ATP1A1: variants seen among roughly 807,000 people sequenced by gnomAD.
ATP1A1 encodes the protein ATPase Na+/K+ transporting subunit alpha 1.
ATP1A1 carries 14 observed loss-of-function variants against 114.8 expected under a neutral mutation model. The ratio of observed to expected loss-of-function variants is 0.12; its 90% CI spans 0.08 to 0.19. ATP1A1 has a LOEUF of 0.19. Ranked by LOEUF, ATP1A1 falls within the 10% of genes least tolerant of loss-of-function variation. The probability of loss-of-function intolerance (pLI) is 1.00; values close to 1 mark genes in which losing one functional copy is unlikely to be tolerated. For synonymous variants in ATP1A1, 471 were observed against 466.3 expected, an observed-to-expected ratio of 1.01 and a Z score of -0.13; for missense variants, 524 against 1,290.7, an observed-to-expected ratio of 0.41 and a Z score of 9.10.
chr1:116,389,697 C>T lies in ATP1A1; in HGVS notation c.1013C>T (p.Ala338Val). The T allele has an allele frequency of 6.2e-7, 1 of 1,614,138 alleles. No individual in the cohort carries two copies. Among genetic ancestry groups the T allele is most frequent in the Non-Finnish European group, 8.5e-7 (1 of 1,179,996 alleles). Residue 338 changes from alanine (A) to valine (V), a missense_variant, in exon 8 of 23, where the codon GCC becomes GTC. By Grantham distance (64) the Ala-to-Val change is moderately conservative (BLOSUM62 0). Around this residue, in one of 8 missense-constraint regions of ATP1A1, gnomAD observed 28 missense variants for 131.8 expected, o/e 0.21. Transcript: ENST00000295598. The surrounding 1 kb of genome is among the most constrained non-coding windows in gnomAD (Gnocchi z 6.9). ...IVANVPEGLL[A>V]TVTVCLTLTA... ...GCCAATGTGCCGGAAGGTTTGCTGGCCACTGTCACGGTAAGAGGCAGGTGA... is the reference window on the plus strand; with the variant it reads ...GCCAATGTGCCGGAAGGTTTGCTGGTCACTGTCACGGTAAGAGGCAGGTGA...
At chr1:116,390,458 TG>T in intron 9 of ATP1A1, 47 bp downstream of exon 9, 8 of 1,545,256 alleles carry the variant, frequency 5.2e-6, no homozygotes, top group Non-Finnish European at 7.0e-6. Flanking sequence ...TGACTTCGCT[TG>T]GTTTTTTTTC....
In ATP1A1 at chr1:116,393,260, A is replaced by G. The variant is rs114913922; in HGVS notation, c.1468-271A>G. On this transcript the variant is annotated intron_variant, in intron 11 of 22. Transcript: ENST00000295598. This position sits in a 1 kb window ranked among gnomAD's most constrained non-coding sequence, Gnocchi z 5.0. ...AGGTGGCTGGAGGTATGTGTACACA[A>G]GTGTTCCCCAATCCCTGTGTTCTGA... Among the ~76,000 whole-genome samples, 7 of 149,324 alleles carry G rather than the reference A, an allele frequency of 4.7e-5. No homozygotes were observed. Among genetic ancestry groups the G allele is most frequent in the Non-Finnish European group, 7.4e-5 (5 of 67,668 alleles).
Position 116,387,238 on chromosome 1 carries a change from C to G in ATP1A1, c.184-50C>G. 1 of 1,605,640 alleles carries G rather than the reference C, an allele frequency of 6.2e-7. No individual in the cohort carries two copies. The highest frequency in any genetic ancestry group is 1.1e-5 in the South Asian group (1 of 90,604). On this transcript the variant is annotated intron_variant, in intron 3 of 22. Coordinates refer to ENST00000295598, the MANE Select transcript of ATP1A1 (RefSeq NM_000701.8). This position sits in a 1 kb window ranked among gnomAD's most constrained non-coding sequence, Gnocchi z 6.7. ...TCCAGCTACCAGGTAGGTATATTGCCTTGTAAGTGCTGGTACAGTTTGCCT... is the reference window on the plus strand; with the variant it reads ...TCCAGCTACCAGGTAGGTATATTGCGTTGTAAGTGCTGGTACAGTTTGCCT...
Position 116,384,073 on chromosome 1 carries a change from A to G in ATP1A1, c.72A>G (p.Lys24=). ...CAGAACAAGGTGATAAAAAGGGCAAAAAGGGCAAAAAAGACAGGGACATGG... is the reference window on the plus strand; with the variant it reads ...CAGAACAAGGTGATAAAAAGGGCAAGAAGGGCAAAAAAGACAGGGACATGG... ...AVSEQGDKKG[K]KGKKDRDMDE... is the part of the protein sequence containing the mutation. The change falls in exon 2 of 23, where the codon AAA becomes AAG. Residue 24 remains lysine, a synonymous_variant. Coordinates refer to ENST00000295598, the MANE Select transcript of ATP1A1 (RefSeq NM_000701.8). The surrounding 1 kb of genome is among the most constrained non-coding windows in gnomAD (Gnocchi z 5.1). The G allele has an allele frequency of 6.2e-7, 1 of 1,614,128 alleles. No individual in the cohort carries two copies. The highest frequency in any genetic ancestry group is 8.5e-7 in the Non-Finnish European group (1 of 1,179,994).
chr1:116,403,712 T>C (rs1653728566), intron 21 of ATP1A1, among the ~76,000 whole-genome samples, 172 bp from the exon 22 acceptor site: 1 of 152,268 alleles, frequency 6.6e-6, no homozygotes, highest in South Asian at 2.1e-4. Context: ...AGTAGCAATC[T>C]GTTTTAAGAC....
chr1:116,373,367 C>A lies in ATP1A1; in HGVS notation c.-145C>A. On this transcript the variant is annotated 5_prime_UTR_variant, in exon 1 of 23. Transcript: ENST00000295598. ...CGGCATCGGCCCGAGCCGCCGGCCG[C>A]CCTCCCACCCTCCCGCCCCGCGGCA... is the stretch of plus-strand genomic sequence containing the variant. The A allele has an allele frequency of 2.2e-6, 1 of 460,510 alleles. No homozygotes were observed. The allele number at this position is 460,510 out of a possible 1,614,324, so 28.5% of individuals were successfully genotyped here. A position where few individuals can be genotyped will look rare whatever the true frequency, so the allele number is the denominator to read the frequency against.
chr1:116,398,320 G>C lies in ATP1A1; in HGVS notation c.2124+282G>C, dbSNP rs1653107874. Among the ~76,000 whole-genome samples, 1 of 152,170 alleles carries C rather than the reference G, an allele frequency of 6.6e-6. No homozygotes were observed. Among genetic ancestry groups the C allele is most frequent in the Admixed American group, 6.5e-5 (1 of 15,280 alleles). On this transcript the variant is annotated intron_variant, in intron 15 of 22. Coordinates refer to ENST00000295598, the MANE Select transcript of ATP1A1 (RefSeq NM_000701.8). The surrounding 1 kb of genome is among the most constrained non-coding windows in gnomAD (Gnocchi z 6.1). Reference sequence around the variant, plus strand: ...CCTAGTATTTGCAATAGAGATGTGAGTGGTCAGACTACAGGGCGTGCATAC... The same window carrying C: ...CCTAGTATTTGCAATAGAGATGTGACTGGTCAGACTACAGGGCGTGCATAC...
chr1:116,394,986 T>C (rs528743529), intron 12 of ATP1A1, 124 bp from the exon 13 acceptor site: 10 of 940,026 alleles, frequency 1.1e-5, no homozygotes, highest in South Asian at 1.8e-5. Flanking sequence ...TATAAAAATA[T>C]AGACTTTAAA....
intron 9 of ATP1A1, 56 bp downstream of exon 9, chr1:116,390,467 T>C: frequency 6.5e-7 from 1 of 1,530,738 alleles, no homozygotes; most frequent in Non-Finnish European, 8.8e-7. Flanking sequence ...TTGGTTTTTT[T>C]TCTTTTAAGA....
rs760784617 is a variant in ATP1A1, at chr1:116,393,697, TG to T, written c.1640del (p.Gly547AlafsTer7). Reference protein sequence around the residue: ...KDAFQNAYLELGGLGERVLGF... With the variant: ...KDAFQNAYLEXGGLGERVLGF... ...GCCTTTCAGAACGCCTATTTGGAGC[TG>T]GGGGGCCTCGGAGAACGAGTCCTAG... On this transcript the variant is annotated frameshift_variant, in exon 12 of 23. Transcript: ENST00000295598. LOFTEE classifies it high-confidence loss of function. This position sits in a 1 kb window ranked among gnomAD's most constrained non-coding sequence, Gnocchi z 5.0. 6.2e-7 allele frequency: 1 copy of T among 1,613,616 alleles called. No homozygotes were observed. Among genetic ancestry groups the T allele is most frequent in the East Asian group, 2.2e-5 (1 of 44,862 alleles).
chr1:116,376,141 T>C (rs1651347862), intron 1 of ATP1A1, among the ~76,000 whole-genome samples: 2 of 152,138 alleles, frequency 1.3e-5, no homozygotes, highest in Non-Finnish European at 2.9e-5. Flanking sequence ...CTCAAGTGTG[T>C]AAAAGATGAG....
Position 116,404,446 on chromosome 1 carries a change from C to G in ATP1A1, c.*2C>G. On this transcript the variant is annotated 3_prime_UTR_variant, in exon 23 of 23. Coordinates refer to ENST00000295598, the MANE Select transcript of ATP1A1 (RefSeq NM_000701.8). The surrounding 1 kb of genome is among the most constrained non-coding windows in gnomAD (Gnocchi z 4.8). ...GTGGAGAAGGAAACCTACTATTAGC[C>G]CCCCGTCCTGCACGCCGTGGAGCAT... 6.2e-7 allele frequency: 1 copy of G among 1,611,758 alleles called. No homozygotes were observed. Among genetic ancestry groups the G allele is most frequent in the Non-Finnish European group, 8.5e-7 (1 of 1,179,276 alleles).
chr1:116,384,015 T>C lies in ATP1A1; in HGVS notation c.14T>C (p.Val5Ala), dbSNP rs780694923. 5.6e-6 allele frequency: 9 copies of C among 1,613,772 alleles called. No homozygotes were observed. The highest frequency in any genetic ancestry group is 7.6e-6 in the Non-Finnish European group (9 of 1,179,778). ...CACTTTTCCCACATTCTCCTACAGG[T>C]TGGACGTGATAAGTATGAGCCTGCA... MGKG[V>A]GRDKYEPAAV... The change falls in exon 2 of 23, where the codon GTT becomes GCT. Residue 5 changes from valine to alanine, a missense_variant and splice_region_variant. Coordinates refer to ENST00000295598, the MANE Select transcript of ATP1A1 (RefSeq NM_000701.8). The surrounding 1 kb of genome is among the most constrained non-coding windows in gnomAD (Gnocchi z 5.1).
chr1:116,384,173 A>C lies in ATP1A1; in HGVS notation c.123+49A>C. 1 of 1,490,146 alleles carries C rather than the reference A, an allele frequency of 6.7e-7. No homozygotes were observed. Among genetic ancestry groups the C allele is most frequent in the Non-Finnish European group, 9.3e-7 (1 of 1,074,350 alleles). 92.3% of individuals were successfully genotyped at this position (1,490,146 alleles called of 1,614,324 possible). A position where few individuals can be genotyped will look rare whatever the true frequency, so the allele number is the denominator to read the frequency against. On this transcript the variant is annotated intron_variant, in intron 2 of 22. Coordinates refer to ENST00000295598, the MANE Select transcript of ATP1A1 (RefSeq NM_000701.8). This position sits in a 1 kb window ranked among gnomAD's most constrained non-coding sequence, Gnocchi z 5.1. ...ATTCCATCCTTATTAAAAATCCATG[A>C]TTTTTAATCCCCCAGGCCTCACTGT...
intron 12 of ATP1A1, among the ~76,000 whole-genome samples, chr1:116,394,416 C>T (rs933841687): frequency 1.5e-4 from 23 of 152,002 alleles, no homozygotes; most frequent in African/African-American, 5.1e-4. Context: ...TCTATCCAAC[C>T]GAAGGATTGC....
rs192954810 is a variant in ATP1A1, at chr1:116,384,320, T to C, written c.123+196T>C. Among the ~76,000 whole-genome samples, 30 of 152,308 alleles carry C rather than the reference T, an allele frequency of 2.0e-4. No individual in the cohort carries two copies. The East Asian group carries it at 3.1e-3, about 16-fold the overall frequency. ...AGCTGTTAGAGGGTAGGAAAAGTTA[T>C]TCAGTCACTCTGGCATAACCAGAGA... On this transcript the variant is annotated intron_variant, in intron 2 of 22. Coordinates refer to ENST00000295598, the MANE Select transcript of ATP1A1 (RefSeq NM_000701.8). This position sits in a 1 kb window ranked among gnomAD's most constrained non-coding sequence, Gnocchi z 5.1.
chr1:116,390,852 A>G lies in ATP1A1; in HGVS notation c.1293A>G (p.Ala431=). ...GAATTGCAGGTCTTTGTAACAGGGC[A>G]GTGTTTCAGGCTAACCAGGAAAACC... is the stretch of plus-strand genomic sequence containing the variant. ...LSRIAGLCNR[A]VFQANQENLP... Residue 431 remains alanine, a synonymous_variant, in exon 10 of 23, where the codon GCA becomes GCG. Coordinates refer to ENST00000295598, the MANE Select transcript of ATP1A1 (RefSeq NM_000701.8). 6.2e-7 allele frequency: 1 copy of G among 1,614,218 alleles called. No individual in the cohort carries two copies. Among genetic ancestry groups the G allele is most frequent in the Non-Finnish European group, 8.5e-7 (1 of 1,180,024 alleles).
Position 116,396,276 on chromosome 1 carries a change from C to CTTTTT in ATP1A1, c.1837-305_1837-301dup, listed in dbSNP as rs367825500. On this transcript the variant is annotated intron_variant, in intron 13 of 22. Transcript: ENST00000295598. The stretch of plus-strand genomic sequence containing the variant: ...GTCCCACCAGCATCAGATTTTTATC[C>CTTTTT]TTTTTTTTTTTTTTTTTTTTTGCTG... Among the ~76,000 whole-genome samples, 80 of 102,602 alleles carry CTTTTT rather than the reference C, an allele frequency of 7.8e-4. 1 individual carries two copies. The highest frequency in any genetic ancestry group is 1.9e-3 in the African/African-American group (47 of 24,638). The allele number at this position is 102,602 out of a possible 152,430, so 67.3% of individuals were successfully genotyped here.
chr1:116,388,211 G>A lies in ATP1A1; in HGVS notation c.468G>A (p.Lys156=). Residue 156 remains lysine, a synonymous_variant, in exon 5 of 23, where the codon AAG becomes AAA. Coordinates refer to ENST00000295598, the MANE Select transcript of ATP1A1 (RefSeq NM_000701.8). This position sits in a 1 kb window ranked among gnomAD's most constrained non-coding sequence, Gnocchi z 5.6. ...FSYYQEAKSS[K]IMESFKNMVP... is the part of the protein sequence containing the mutation. ...ACTATCAAGAAGCTAAAAGTTCAAA[G>A]ATCATGGAATCCTTCAAAAACATGG... 1.2e-6 allele frequency: 2 copies of A among 1,613,984 alleles called. No individual in the cohort carries two copies. Among genetic ancestry groups the A allele is most frequent in the Non-Finnish European group, 1.7e-6 (2 of 1,179,886 alleles).
Sources: allele counts gnomAD v4.1 joint callset (sites outside exome capture counted in the v4.1 genomes callset), GRCh38; gene constraint gnomAD v4.1.1; regional missense constraint gnomAD v4.1.1; non-coding constraint Gnocchi (gnomAD v3.1); transcripts MANE v1.5; gene names NCBI Gene and HGNC (gene_info 2026-07-23, HGNC 2026-07-21).